KDM6A: variants seen among roughly 807,000 people sequenced by gnomAD.
The protein encoded by KDM6A is lysine-specific demethylase 6A.
In KDM6A, 11 loss-of-function variants were observed where a neutral mutation model predicts 117.6. That is an observed-to-expected ratio of 0.09 (90% CI 0.06 to 0.15). The LOEUF is 0.15. Among genes scored for constraint, KDM6A ranks in the 10% least tolerant of loss-of-function variants. The pLI, the probability that KDM6A is intolerant of heterozygous loss-of-function variation, is 1.00. For synonymous variants in KDM6A, 384 were observed against 396.1 expected, an observed-to-expected ratio of 0.97 and a Z score of 0.36; for missense variants, 799 against 1,077.3, an observed-to-expected ratio of 0.74 and a Z score of 3.62.
intron 10 of KDM6A, among the ~76,000 whole-genome samples, chrX:45,056,069 A>T (rs767069800): frequency 4.8e-4 from 53 of 110,958 alleles, no homozygotes; most frequent in African/African-American, 1.7e-3. Context: ...CTTTTAATTT[A>T]ATCTTTTTGG....
At chrX:44,954,057 T>TA (rs200743814) in intron 2 of KDM6A, among the ~76,000 whole-genome samples, 17,072 of 99,672 alleles carry the variant, frequency 0.17, 1,581 homozygotes, top group Admixed American at 0.36. Flanking sequence ...GACCTTGCCT[T>TA]AAAAAAAAAA....
At chrX:45,049,787 G>T (rs940684487) in intron 8 of KDM6A, among the ~76,000 whole-genome samples, 1 of 111,982 alleles carries the variant, frequency 8.9e-6, no homozygotes, top group Non-Finnish European at 1.9e-5. Flanking sequence ...CTTAATATGC[G>T]CTCGTTCTTC....
At chrX:45,086,375 A>T (rs2045640453) in intron 25 of KDM6A, 1 of 123,917 alleles carries the variant, frequency 8.1e-6, no homozygotes, top group African/African-American at 3.2e-5. Flanking sequence ...CTCAAGCTTG[A>T]CCATAATACC....
chrX:44,931,579 G>A (rs1179973338), intron 2 of KDM6A, among the ~76,000 whole-genome samples: 2 of 111,212 alleles, frequency 1.8e-5, no homozygotes, highest in African/African-American at 3.3e-5. Context: ...CCTTGAGGAC[G>A]TTATCCTAGA....
At chrX:45,085,278 T>G (rs2045596838) in intron 24 of KDM6A, among the ~76,000 whole-genome samples, 1 of 111,956 alleles carries the variant, frequency 8.9e-6, no homozygotes, top group Admixed American at 9.5e-5. Context: ...TATTGCTTAC[T>G]GTGTACAGAT....
At chrX:44,885,397 C>T (rs1365909413) in intron 2 of KDM6A, among the ~76,000 whole-genome samples, 1 of 110,429 alleles carries the variant, frequency 9.1e-6, no homozygotes, top group African/African-American at 3.3e-5. Context: ...ATGATATTGT[C>T]TTTGACTTTT....
At chrX:45,106,535 T>C in intron 27 of KDM6A, 1 of 341,848 alleles carries the variant, frequency 2.9e-6, no homozygotes. Context: ...CATTTCCTTT[T>C]CTTTAGGATA....
At chrX:44,916,147 C>G (rs1474211552) in intron 2 of KDM6A, among the ~76,000 whole-genome samples, 1 of 111,060 alleles carries the variant, frequency 9.0e-6, no homozygotes, top group Non-Finnish European at 1.9e-5. Context: ...GGGTTCTGTA[C>G]TATCTAAGGC....
At chrX:45,108,228 A>G (rs1336787009) in intron 28 of KDM6A, among the ~76,000 whole-genome samples, 1 of 111,533 alleles carries the variant, frequency 9.0e-6, no homozygotes. Context: ...GTAGACTGTC[A>G]TGGGCTATAG....
At chrX:44,889,354 C>T (rs1391561677) in intron 2 of KDM6A, among the ~76,000 whole-genome samples, 1 of 112,119 alleles carries the variant, frequency 8.9e-6, no homozygotes, top group East Asian at 2.8e-4. Context: ...GTGAGTGTGT[C>T]TGTGTGCATA....
At chrX:44,911,503 C>A (rs1248944833) in intron 2 of KDM6A, among the ~76,000 whole-genome samples, 1 of 109,157 alleles carries the variant, frequency 9.2e-6, no homozygotes, top group African/African-American at 3.4e-5. Context: ...ACTTCCTGGA[C>A]GGGATGGCGG....
Position 45,090,179 on chromosome X carries a change from G to C in KDM6A, c.3892+249G>C, listed in dbSNP as rs181019313. ...AGGTTATAATAATAAATTTTAGAGT[G>C]CTTGGTTTTATTTTAAAAAAACCCT... On this transcript the variant is annotated intron_variant, in intron 26 of 29. Coordinates refer to ENST00000611820, the MANE Select transcript of KDM6A (RefSeq NM_001291415.2). 6.0e-3 allele frequency among the ~76,000 whole-genome samples: 652 copies of C among 108,756 alleles called. 5 individuals carry two copies. Among genetic ancestry groups the C allele is most frequent in the African/African-American group, 0.02 (615 of 30,738 alleles). The allele number at this position is 108,756 out of a possible 115,157, so 94.4% of individuals were successfully genotyped here.
chrX:44,983,987 C>CT (rs1206458674), intron 4 of KDM6A, among the ~76,000 whole-genome samples: 1 of 110,024 alleles, frequency 9.1e-6, no homozygotes, highest in African/African-American at 3.4e-5. Flanking sequence ...AATCGCCACA[C>CT]TGACTTCCAC....
At chrX:44,881,570 A>G in intron 2 of KDM6A, among the ~76,000 whole-genome samples, 1 of 108,414 alleles carries the variant, frequency 9.2e-6, no homozygotes, top group Non-Finnish European at 1.9e-5. Flanking sequence ...TCTCTTACCT[A>G]TTTCTTCCTT....
At chrX:44,991,933 C>G (rs1297286418) in intron 4 of KDM6A, among the ~76,000 whole-genome samples, 1 of 110,832 alleles carries the variant, frequency 9.0e-6, no homozygotes, top group Non-Finnish European at 1.9e-5. Flanking sequence ...AGGTGATCCG[C>G]CCGCCTCAGC....
chrX:45,009,393 C>T (rs759806823), intron 4 of KDM6A, among the ~76,000 whole-genome samples: 8 of 111,550 alleles, frequency 7.2e-5, no homozygotes, highest in African/African-American at 1.6e-4. Flanking sequence ...GCAGTGAGGA[C>T]GACCAGAGGT....
intron 2 of KDM6A, among the ~76,000 whole-genome samples, chrX:44,939,042 G>A (rs776824860): frequency 4.4e-5 from 5 of 112,442 alleles, no homozygotes; most frequent in Non-Finnish European, 9.4e-5. Context: ...AGATACATAA[G>A]GAGACAAATG....
At chrX:45,002,193 A>G (rs1345489551) in intron 4 of KDM6A, among the ~76,000 whole-genome samples, 1 of 110,042 alleles carries the variant, frequency 9.1e-6, no homozygotes, top group Admixed American at 9.9e-5. Context: ...TTCCTGTATG[A>G]TTTTTATACT....
Position 45,076,685 on chromosome X carries a change from T to A in KDM6A, c.2859-12T>A, listed in dbSNP as rs2045135323. The A allele has an allele frequency of 8.9e-7, 1 of 1,127,269 alleles. No homozygotes were observed. Among genetic ancestry groups the A allele is most frequent in the African/African-American group, 1.8e-5 (1 of 55,084 alleles). The allele number at this position is 1,127,269 out of a possible 1,213,427, so 92.9% of individuals were successfully genotyped here. On this transcript the variant is annotated splice_polypyrimidine_tract_variant and intron_variant, in intron 18 of 29. Coordinates refer to ENST00000611820, the MANE Select transcript of KDM6A (RefSeq NM_001291415.2). ...AATGTACAACTGATTATCCCTTTTT[T>A]TTTTTTTCCAGGAATCTAGGTAAAA...
Sources: allele counts gnomAD v4.1 joint callset (sites outside exome capture counted in the v4.1 genomes callset), GRCh38; gene constraint gnomAD v4.1.1; transcripts MANE v1.5; gene names NCBI Gene and HGNC (gene_info 2026-07-23, HGNC 2026-07-21).